Variants in TNPO1 observed in about 807,000 individuals in gnomAD.
The protein encoded by TNPO1 is transportin 1.
Under a neutral mutation model 119.5 loss-of-function variants are expected in TNPO1, and 8 were observed. The observed-to-expected ratio is 0.07, with a 90% CI of 0.04 to 0.12. TNPO1 has a LOEUF of 0.12. TNPO1 is among the 10% of genes least tolerant of loss of function. The pLI is 1.00. For missense variants in TNPO1, 576 were observed against 1,089.8 expected (o/e 0.53, Z 6.64); for synonymous variants, 362 against 363.0 (o/e 1.00, Z 0.03).
intron 1 of TNPO1, chr5:72,817,052 TCAGGGG>T (rs1743725661): frequency 4.7e-6 from 2 of 424,078 alleles, no homozygotes; most frequent in Non-Finnish European, 8.4e-6. Flanking sequence ...GGTCTTACAT[TCAGGGG>T]AGCGTTTGCC....
chr5:72,897,647 T>A (rs1450039262), intron 20 of TNPO1, among the ~76,000 whole-genome samples: 2 of 150,280 alleles, frequency 1.3e-5, no homozygotes, highest in African/African-American at 4.9e-5. Context: ...TTTTTTTTTT[T>A]AGGAAGCTTG....
Position 72,855,862 on chromosome 5 carries a change from T to C in TNPO1, c.294T>C (p.Phe98=). The stretch of plus-strand genomic sequence containing the variant: ...ACTTCCCAAATGGTGTAACAGACTT[T>C]ATTAAAAGTGAATGTTTAAATAATA... The part of the protein sequence containing the change: ...FQNFPNGVTD[F]IKSECLNNIG... The change falls in exon 4 of 25, where the codon TTT becomes TTC. Residue 98 remains phenylalanine, a synonymous_variant. Coordinates refer to ENST00000337273, the MANE Select transcript of TNPO1 (RefSeq NM_002270.4). The C allele has an allele frequency of 6.2e-7, 1 of 1,613,472 alleles. No homozygotes were observed. The highest frequency in any genetic ancestry group is 1.7e-5 in the Admixed American group (1 of 60,010).
intron 8 of TNPO1, among the ~76,000 whole-genome samples, chr5:72,876,264 T>C (rs1459357381): frequency 2.0e-5 from 3 of 152,228 alleles, no homozygotes; most frequent in Non-Finnish European, 4.4e-5. Context: ...TGATGTATCA[T>C]GTAATAGGGG....
intron 1 of TNPO1, among the ~76,000 whole-genome samples, chr5:72,817,980 G>T (rs887072195): frequency 3.3e-5 from 5 of 152,218 alleles, no homozygotes; most frequent in South Asian, 2.1e-4. Flanking sequence ...CCTAGAGAAG[G>T]CTGTGCCAGG....
chr5:72,869,742 A>G (rs1401708850), intron 6 of TNPO1, among the ~76,000 whole-genome samples: 1 of 152,214 alleles, frequency 6.6e-6, no homozygotes, highest in Non-Finnish European at 1.5e-5. Flanking sequence ...ATAATCTATA[A>G]GGAAGAGATC....
At chr5:72,872,215 T>G (rs186290288) in intron 6 of TNPO1, among the ~76,000 whole-genome samples, 59 of 152,260 alleles carry the variant, frequency 3.9e-4, no homozygotes, top group Non-Finnish European at 1.6e-4. Context: ...ATTTTTAAAG[T>G]TGGTGTCAAT....
intron 14 of TNPO1, among the ~76,000 whole-genome samples, chr5:72,891,464 CAA>C (rs1051376608): frequency 6.6e-6 from 1 of 151,242 alleles, no homozygotes; most frequent in Non-Finnish European, 1.5e-5. Flanking sequence ...GACTCCGTCT[CAA>C]AAAAAAGAGA....
intron 13 of TNPO1, 127 bp from the exon 14 acceptor site, chr5:72,889,659 T>A (rs1330322462): frequency 1.0e-6 from 1 of 959,036 alleles, no homozygotes; most frequent in Non-Finnish European, 1.5e-6. Context: ...AGGGCTTTCA[T>A]TAACAGATGG....
At chr5:72,846,041 A>G (rs1232567391) in intron 1 of TNPO1, among the ~76,000 whole-genome samples, 1 of 152,248 alleles carries the variant, frequency 6.6e-6, no homozygotes, top group Non-Finnish European at 1.5e-5. Context: ...TGAAAATTAA[A>G]AGAATGTGCT....
intron 1 of TNPO1, among the ~76,000 whole-genome samples, chr5:72,822,057 G>A (rs1211849995): frequency 6.6e-6 from 1 of 152,098 alleles, no homozygotes; most frequent in African/African-American, 2.4e-5. Context: ...TAGTAGAGAG[G>A]GATGTTGAAG....
At chr5:72,887,270 A>G (rs753374081) in intron 12 of TNPO1, 48 bp downstream of exon 12, 24 of 1,154,538 alleles carry the variant, frequency 2.1e-5, no homozygotes, top group South Asian at 5.3e-5. Context: ...TCTTACTACT[A>G]TTAGGTACTA....
At chr5:72,850,804 CTT>C (rs1208597740) in intron 2 of TNPO1, among the ~76,000 whole-genome samples, 2 of 151,948 alleles carry the variant, frequency 1.3e-5, no homozygotes, top group African/African-American at 2.4e-5. Flanking sequence ...TGAGAAGTAT[CTT>C]TTTTTTAAAA....
intron 6 of TNPO1, among the ~76,000 whole-genome samples, chr5:72,867,806 T>G (rs538094423): frequency 6.6e-6 from 1 of 152,370 alleles, no homozygotes; most frequent in South Asian, 2.1e-4. Context: ...TTATGTTGCA[T>G]TCATCTGTAC....
chr5:72,883,048 C>T lies in TNPO1; in HGVS notation c.982-16C>T, dbSNP rs371580315. 1.9e-5 allele frequency: 30 copies of T among 1,604,306 alleles called. No individual in the cohort carries two copies. In the African/African-American group the frequency reaches 3.7e-4, roughly 20 times the overall value. Reference sequence around the variant, plus strand: ...ATAATGAATGCCACCAAAAATTTCTCTTAAAAAAACAACAGGGTGATGTTG... The same window carrying T: ...ATAATGAATGCCACCAAAAATTTCTTTTAAAAAAACAACAGGGTGATGTTG... On this transcript the variant is annotated splice_polypyrimidine_tract_variant and intron_variant, in intron 10 of 24. Transcript: ENST00000337273.
chr5:72,879,424 G>A (rs899864137), intron 9 of TNPO1, among the ~76,000 whole-genome samples: 2 of 152,138 alleles, frequency 1.3e-5, no homozygotes, highest in African/African-American at 2.4e-5. Context: ...CCAAATATTC[G>A]TAAACCAAGC....
In TNPO1 at chr5:72,877,411, T is replaced by A. The variant is rs529346221; in HGVS notation, c.920+65T>A. ...TTTCTTAAGTGATTCTTCATTTTCA[T>A]ATTTTTATAAAATTCATTCTTTTGC... On this transcript the variant is annotated intron_variant, in intron 9 of 24. Transcript: ENST00000337273. 4 of 796,452 alleles carry A rather than the reference T, an allele frequency of 5.0e-6. No individual in the cohort carries two copies. The Admixed American group carries it at 9.9e-5, about 20-fold the overall frequency. The allele number at this position is 796,452 out of a possible 1,614,324, so 49.3% of individuals were successfully genotyped here. A position where few individuals can be genotyped will look rare whatever the true frequency, so the allele number is the denominator to read the frequency against.
intron 24 of TNPO1, 135 bp downstream of exon 24, chr5:72,905,580 A>G (rs1393457855): frequency 4.5e-6 from 2 of 447,330 alleles, no homozygotes; most frequent in African/African-American, 2.0e-5. Context: ...ATATCATTCT[A>G]TCTTGGGCTT....
chr5:72,816,795 G>C, intron 1 of TNPO1, 43 bp downstream of exon 1: 2 of 1,564,890 alleles, frequency 1.3e-6, no homozygotes, highest in Non-Finnish European at 8.6e-7. Flanking sequence ...GCAGGGGCGG[G>C]AACGGAGGCT....
intron 5 of TNPO1, chr5:72,862,497 C>CG (rs1746530019): frequency 6.8e-6 from 1 of 146,328 alleles, no homozygotes; most frequent in African/African-American, 2.5e-5. Flanking sequence ...CTAATTTTTT[C>CG]TTTTTTTTTT....
Sources: gnomAD v4.1 joint callset for allele counts (sites outside exome capture counted in the v4.1 genomes callset) on GRCh38, gnomAD v4.1.1 for gene constraint, MANE v1.5 for transcripts, NCBI Gene and HGNC (gene_info 2026-07-23, HGNC 2026-07-21) for gene names.